Variants in AGO4 observed in about 807,000 individuals in gnomAD.
AGO4 encodes the protein protein argonaute-4.
Under a neutral mutation model 104.7 loss-of-function variants are expected in AGO4, and 33 were observed. The observed-to-expected ratio is 0.32, with a 90% CI of 0.24 to 0.42. AGO4 has a LOEUF of 0.42. Among genes scored for constraint, AGO4 ranks in the 10% least tolerant of loss-of-function variants. The pLI is 1.00. For synonymous variants in AGO4, 331 were observed against 364.7 expected (o/e 0.91, Z 1.05); for missense variants, 711 against 1,083.4 (o/e 0.66, Z 4.83).
At chr1:35,838,947 AT>A (rs1291268405) in intron 13 of AGO4, among the ~76,000 whole-genome samples, 2 of 151,514 alleles carry the variant, frequency 1.3e-5, no homozygotes, top group East Asian at 3.9e-4. Context: ...ATCTTAGCAT[AT>A]TTTGTCAACT....
chr1:35,813,917 T>C (rs1277455155), intron 1 of AGO4, among the ~76,000 whole-genome samples: 2 of 151,014 alleles, frequency 1.3e-5, no homozygotes, highest in South Asian at 2.1e-4. Context: ...CTACTAAAAA[T>C]ACAAAAAATT....
chr1:35,849,974 A>T (rs1644662057), intron 15 of AGO4, among the ~76,000 whole-genome samples, 183 bp from the exon 16 acceptor site: 1 of 152,168 alleles, frequency 6.6e-6, no homozygotes, highest in African/African-American at 2.4e-5. Flanking sequence ...TTGTGAAAAT[A>T]CTATAGGTTA....
At chr1:35,827,576 A>G (rs1176828740) in intron 7 of AGO4, among the ~76,000 whole-genome samples, 1 of 152,152 alleles carries the variant, frequency 6.6e-6, no homozygotes, top group Admixed American at 6.6e-5. Flanking sequence ...AGATCACGAG[A>G]ATCTTTGCTT....
chr1:35,837,548 G>T, intron 13 of AGO4, among the ~76,000 whole-genome samples: 1 of 151,562 alleles, frequency 6.6e-6, no homozygotes, highest in Admixed American at 6.6e-5. Context: ...CTCGGCTAAT[G>T]TTTTTATTTT....
intron 7 of AGO4, 88 bp downstream of exon 7, chr1:35,826,923 CGGGCACAGTGGCT>C: frequency 7.3e-7 from 1 of 1,362,876 alleles, no homozygotes; most frequent in Non-Finnish European, 1.0e-6. Flanking sequence ...GGTTATTGGC[CGGGCACAGTGGCT>C]CACACCTGTA....
chr1:35,834,269 A>C, intron 12 of AGO4, 95 bp downstream of exon 12: 1 of 1,114,214 alleles, frequency 9.0e-7, no homozygotes, highest in Admixed American at 3.1e-5. Flanking sequence ...CAAACCTCAA[A>C]CTCTCAGTGG....
At chr1:35,835,156 C>T (rs1276773413) in intron 12 of AGO4, among the ~76,000 whole-genome samples, 2 of 151,656 alleles carry the variant, frequency 1.3e-5, no homozygotes, top group Non-Finnish European at 2.9e-5. Context: ...ACTACAGGCA[C>T]GTGCCATCTC....
chr1:35,836,112 C>A, intron 13 of AGO4, 119 bp downstream of exon 13: 1 of 1,031,542 alleles, frequency 9.7e-7, no homozygotes, highest in African/African-American at 1.6e-5. Context: ...ATATATGCAC[C>A]CATATACCCA....
chr1:35,809,892 C>T (rs772299760), intron 1 of AGO4, among the ~76,000 whole-genome samples: 9 of 152,184 alleles, frequency 5.9e-5, no homozygotes, highest in Non-Finnish European at 1.2e-4. Flanking sequence ...TGTTTCTTCC[C>T]TCCCCCTAGT....
intron 15 of AGO4, among the ~76,000 whole-genome samples, chr1:35,843,064 T>C (rs1006015262): frequency 6.6e-6 from 1 of 152,112 alleles, no homozygotes; most frequent in Non-Finnish European, 1.5e-5. Context: ...ATGAACTGTT[T>C]CTTTTTTCTC....
chr1:35,814,679 G>A (rs1418537984), intron 1 of AGO4, among the ~76,000 whole-genome samples: 1 of 152,024 alleles, frequency 6.6e-6, no homozygotes, highest in African/African-American at 2.4e-5. Flanking sequence ...CCTCTAGTCT[G>A]GGAGAATCAG....
At position 35,853,735 on chromosome 1, in the gene AGO4, A is replaced by G. The variant is rs1644760323; in HGVS notation, c.*130A>G. Reference sequence around the variant, plus strand: ...TCTACCAGCAGCTCGGAATAGTTGCACTGAATCTATACTTTGCAGCACTGT... The same window carrying G: ...TCTACCAGCAGCTCGGAATAGTTGCGCTGAATCTATACTTTGCAGCACTGT... On this transcript the variant is annotated 3_prime_UTR_variant, in exon 18 of 18. Coordinates refer to ENST00000373210, the MANE Select transcript of AGO4 (RefSeq NM_017629.4). 2.0e-5 allele frequency: 14 copies of G among 710,348 alleles called. No individual in the cohort carries two copies. In the Middle Eastern group the frequency reaches 1.0e-3, roughly 51 times the overall value. The allele number at this position is 710,348 out of a possible 1,614,324, so 44.0% of individuals were successfully genotyped here.
Position 35,833,260 on chromosome 1 carries a change from A to G in AGO4, c.1379+690A>G, listed in dbSNP as rs1644229254. On this transcript the variant is annotated intron_variant, in intron 11 of 17. Transcript: ENST00000373210. ...CACCACTGCACTCCAGCCTCGCGAC[A>G]GAGCAAGACTGCGTCTCAAAAAAAT... Among the ~76,000 whole-genome samples the G allele has an allele frequency of 2.6e-5, 4 of 152,294 alleles. No individual in the cohort carries two copies. The South Asian group carries it at 8.3e-4, about 32-fold the overall frequency.
At chr1:35,816,134 TCTC>T (rs1188609729) in intron 1 of AGO4, among the ~76,000 whole-genome samples, 1 of 152,178 alleles carries the variant, frequency 6.6e-6, no homozygotes, top group Non-Finnish European at 1.5e-5. Context: ...GGTTTAATCT[TCTC>T]CTATATGTAC....
At position 35,817,101 on chromosome 1, in the gene AGO4, A is replaced by G. The variant is rs975824704; in HGVS notation, c.185+54A>G. 1.2e-5 allele frequency: 18 copies of G among 1,485,022 alleles called. No homozygotes were observed. The African/African-American group carries it at 2.0e-4, about 17-fold the overall frequency. The allele number at this position is 1,485,022 out of a possible 1,614,324, so 92.0% of individuals were successfully genotyped here. A position where few individuals can be genotyped will look rare whatever the true frequency, so the allele number is the denominator to read the frequency against. ...ATATTTAAGTGCATATAATTTATTT[A>G]TGTATCATATTGTTCTCTAAATTCA... On this transcript the variant is annotated intron_variant, in intron 2 of 17. Coordinates refer to ENST00000373210, the MANE Select transcript of AGO4 (RefSeq NM_017629.4).
Position 35,841,426 on chromosome 1 carries a change from A to T in AGO4, c.1986A>T (p.Lys662Asn). The change falls in exon 14 of 18, where the codon AAA becomes AAT. Residue 662 changes from lysine to asparagine, a missense_variant. Physicochemically the swap from Lys to Asn is moderately conservative, Grantham distance 94. Transcript: ENST00000373210. This position sits in a 1 kb window ranked among gnomAD's most constrained non-coding sequence, Gnocchi z 4.7. ...LIQFYKSTRF[K>N]PTRIIYYRGG... The stretch of plus-strand genomic sequence containing the variant: ...AGTTCTACAAATCCACACGCTTCAA[A>T]CCCACTCGGATCATCTATTACCGTG... 1 of 1,614,134 alleles carries T rather than the reference A, an allele frequency of 6.2e-7. No homozygotes were observed. The highest frequency in any genetic ancestry group is 8.5e-7 in the Non-Finnish European group (1 of 1,180,010).
At position 35,822,878 on chromosome 1, in the gene AGO4, A is replaced by G. The variant is rs1462017393; in HGVS notation, c.202A>G (p.Met68Val). The change falls in exon 3 of 18, where the codon ATG becomes GTG. Residue 68 changes from methionine to valine, a missense_variant. This residue lies in a region of AGO4 where 308 missense variants were observed against 397.8 expected (regional missense o/e 0.77). Coordinates refer to ENST00000373210, the MANE Select transcript of AGO4 (RefSeq NM_017629.4). Reference sequence around the variant, plus strand: ...ACTGTGAAGGGAGGTAGTAGATACAATGGTGCGGCACTTCAAGATGCAAAT... The same window carrying G: ...ACTGTGAAGGGAGGTAGTAGATACAGTGGTGCGGCACTTCAAGATGCAAAT... ...RRVNREVVDTMVRHFKMQIFG... is the reference protein window; with the variant it reads ...RRVNREVVDTVVRHFKMQIFG... 6 of 1,613,980 alleles carry G rather than the reference A, an allele frequency of 3.7e-6. 1 individual carries two copies. The highest frequency in any genetic ancestry group is 3.3e-5 in the South Asian group (3 of 91,090).
At chr1:35,834,259 C>T in intron 12 of AGO4, 85 bp downstream of exon 12, 1 of 1,174,424 alleles carries the variant, frequency 8.5e-7, no homozygotes, top group Non-Finnish European at 1.1e-6. Flanking sequence ...GCTGCAGTCA[C>T]AAACCTCAAA....
intron 1 of AGO4, among the ~76,000 whole-genome samples, chr1:35,813,132 G>A (rs1475718137): frequency 2.0e-5 from 3 of 152,040 alleles, no homozygotes; most frequent in Admixed American, 6.6e-5. Context: ...TTAGTGGGCC[G>A]GGCGCAGTGG....
Sources: allele counts gnomAD v4.1 joint callset (sites outside exome capture counted in the v4.1 genomes callset), GRCh38; gene constraint gnomAD v4.1.1; regional missense constraint gnomAD v4.1.1; non-coding constraint Gnocchi (gnomAD v3.1); transcripts MANE v1.5; gene names NCBI Gene and HGNC (gene_info 2026-07-23, HGNC 2026-07-21).